The following SDK1 variants were observed in gnomAD, a reference collection of about 807,000 sequenced individuals.
SDK1 encodes protein sidekick-1.
Under a neutral mutation model 245.5 loss-of-function variants are expected in SDK1, and 157 were observed. The ratio of observed to expected loss-of-function variants is 0.64; its 90% CI spans 0.56 to 0.73. SDK1 has a LOEUF of 0.73. Ranked by LOEUF, SDK1 falls within the 30% of genes least tolerant of loss-of-function variation. SDK1 has a pLI of 0.00. For missense variants in SDK1, 3,583 were observed against 3,002.3 expected, an observed-to-expected ratio of 1.19 and a Z score of -4.52; for synonymous variants, 1,647 against 1,278.5, an observed-to-expected ratio of 1.29 and a Z score of -6.15.
intron 40 of SDK1, among the ~76,000 whole-genome samples, chr7:4,226,280 G>A (rs1326948097): frequency 6.6e-6 from 1 of 152,314 alleles, no homozygotes. Context: ...ACGGGCACTC[G>A]GTGCCAGGCA....
chr7:3,356,907 T>C (rs1780811928), intron 1 of SDK1, among the ~76,000 whole-genome samples: 1 of 151,786 alleles, frequency 6.6e-6, no homozygotes, highest in Non-Finnish European at 1.5e-5. Context: ...AATATAAAAT[T>C]AGCTGGGCAT....
chr7:4,029,529 CATT>C (rs1198523730), intron 17 of SDK1, among the ~76,000 whole-genome samples: 1 of 150,542 alleles, frequency 6.6e-6, no homozygotes, highest in East Asian at 1.9e-4. Flanking sequence ...TTCATTCACT[CATT>C]CATTCATTCA....
chr7:3,674,295 T>G (rs906001015), intron 4 of SDK1, among the ~76,000 whole-genome samples: 3 of 149,834 alleles, frequency 2.0e-5, no homozygotes, highest in African/African-American at 2.5e-5. Context: ...GCGGGTGGAG[T>G]GTAGTGAGCA....
rs80192016 is a variant in SDK1 at position 3,304,854 on chromosome 7, C to A, written c.298+2970C>A. Among the ~76,000 whole-genome samples, 55 of 152,302 alleles carry A rather than the reference C, an allele frequency of 3.6e-4. 1 individual carries two copies. In the East Asian group the frequency reaches 0.011, roughly 29 times the overall value. On this transcript the variant is annotated intron_variant, in intron 1 of 44. Transcript: ENST00000404826. Reference sequence around the variant, plus strand: ...CACCTGGAGCTTTAAACTTCTGATGCCTGGATGTCACTCCTAGAATTGGTT... The same window carrying A: ...CACCTGGAGCTTTAAACTTCTGATGACTGGATGTCACTCCTAGAATTGGTT...
chr7:3,954,673 A>G (rs1583625416), intron 7 of SDK1, among the ~76,000 whole-genome samples: 1 of 137,296 alleles, frequency 7.3e-6, no homozygotes, highest in Admixed American at 7.6e-5. Flanking sequence ...CCTCCCTTCT[A>G]CACCCTCTAC....
At chr7:3,475,954 T>C (rs887041744) in intron 1 of SDK1, 2 of 152,676 alleles carry the variant, frequency 1.3e-5, no homozygotes, top group African/African-American at 4.8e-5. Context: ...TTTAGTAGCT[T>C]TAATTTAGTT....
intron 4 of SDK1, among the ~76,000 whole-genome samples, chr7:3,689,482 G>C (rs1268445222): frequency 2.6e-5 from 4 of 152,306 alleles, no homozygotes; most frequent in Middle Eastern, 3.4e-3. Context: ...TCAAGTTCTT[G>C]TACTGGCTCT....
intron 2 of SDK1, among the ~76,000 whole-genome samples, chr7:3,638,314 G>C (rs1782533801): frequency 6.6e-6 from 1 of 152,114 alleles, no homozygotes; most frequent in Non-Finnish European, 1.5e-5. Flanking sequence ...AAATCATGCT[G>C]CTATAAAGAC....
intron 1 of SDK1, among the ~76,000 whole-genome samples, chr7:3,520,689 G>A (rs1583990978): frequency 1.3e-5 from 2 of 152,208 alleles, no homozygotes; most frequent in East Asian, 3.9e-4. Flanking sequence ...CATTAAGTCT[G>A]CCCCTTTTCT....
chr7:3,701,439 G>C (rs75718354), intron 4 of SDK1, among the ~76,000 whole-genome samples: 1,983 of 152,258 alleles, frequency 0.013, 45 homozygotes, highest in African/African-American at 0.045. Flanking sequence ...TGTAGGTACA[G>C]AAAAGATTGT....
At chr7:3,764,229 T>A (rs538052807) in intron 4 of SDK1, among the ~76,000 whole-genome samples, 1 of 152,290 alleles carries the variant, frequency 6.6e-6, no homozygotes, top group East Asian at 1.9e-4. Flanking sequence ...TGCTCCTAGG[T>A]TCTGTATTTA....
At chr7:3,982,470 T>C (rs1215356276) in intron 13 of SDK1, among the ~76,000 whole-genome samples, 1 of 152,194 alleles carries the variant, frequency 6.6e-6, no homozygotes, top group Non-Finnish European at 1.5e-5. Context: ...TTGCCATGGA[T>C]GATAATTCCT....
intron 1 of SDK1, among the ~76,000 whole-genome samples, chr7:3,388,615 G>C (rs1348683049): frequency 1.3e-5 from 2 of 152,138 alleles, no homozygotes; most frequent in African/African-American, 4.8e-5. Context: ...AGTAGTAGTT[G>C]TGTGTACTTT....
At chr7:4,094,475 C>T (rs7784114) in intron 22 of SDK1, among the ~76,000 whole-genome samples, 48,547 of 152,094 alleles carry the variant, frequency 0.32, 9,376 homozygotes, top group African/African-American at 0.54. Context: ...TGCTGACATT[C>T]GCTGTGGTCC....
intron 14 of SDK1, among the ~76,000 whole-genome samples, chr7:3,997,578 C>T (rs983876550): frequency 1.3e-5 from 2 of 152,182 alleles, no homozygotes; most frequent in Non-Finnish European, 2.9e-5. Flanking sequence ...GTCTGCAGCT[C>T]TCAGCAGAGG....
chr7:3,732,110 G>A (rs1436057607), intron 4 of SDK1, among the ~76,000 whole-genome samples: 1 of 152,226 alleles, frequency 6.6e-6, no homozygotes, highest in African/African-American at 2.4e-5. Flanking sequence ...TTTTAAGATG[G>A]AAGGGTGAAT....
intron 5 of SDK1, among the ~76,000 whole-genome samples, chr7:3,912,991 T>C (rs1216370080): frequency 2.0e-5 from 3 of 152,234 alleles, no homozygotes; most frequent in African/African-American, 7.2e-5. Context: ...TGGATCAGGC[T>C]CTTGTTTTTC....
At chr7:4,163,471 T>G (rs671475) in intron 32 of SDK1, among the ~76,000 whole-genome samples, 40,774 of 151,746 alleles carry the variant, frequency 0.27, 6,890 homozygotes, top group African/African-American at 0.48. Flanking sequence ...CTGTGGAAAG[T>G]GGGGGCTGCG....
intron 1 of SDK1, among the ~76,000 whole-genome samples, chr7:3,306,708 G>A (rs1196062775): frequency 1.3e-5 from 2 of 152,138 alleles, no homozygotes; most frequent in Non-Finnish European, 2.9e-5. Context: ...CTCCCTACCA[G>A]TTGCCTTTAT....
Sources: allele counts gnomAD v4.1 joint callset (sites outside exome capture counted in the v4.1 genomes callset), GRCh38; gene constraint gnomAD v4.1.1; transcripts MANE v1.5; gene names NCBI Gene and HGNC (gene_info 2026-07-23, HGNC 2026-07-21).